The following TOGARAM1 variants were observed in gnomAD, a reference collection of about 807,000 sequenced individuals.
TOGARAM1 encodes TOG array regulator of axonemal microtubules protein 1.
In TOGARAM1, 100 loss-of-function variants were observed where a neutral mutation model predicts 166.6. The ratio of observed to expected loss-of-function variants is 0.60; its 90% CI spans 0.51 to 0.71. The LOEUF (loss-of-function observed/expected upper bound fraction) is 0.71. Ranked by LOEUF, TOGARAM1 falls within the 30% of genes least tolerant of loss-of-function variation. TOGARAM1 has a pLI of 0.00. For missense variants in TOGARAM1, 2,029 were observed against 2,102.7 expected, an observed-to-expected ratio of 0.96 and a Z score of 0.69; for synonymous variants, 758 against 763.8, an observed-to-expected ratio of 0.99 and a Z score of 0.13.
chr14:45,012,022 T>A lies in TOGARAM1; in HGVS notation c.3185T>A (p.Leu1062His), dbSNP rs1310554619. The A allele has an allele frequency of 6.2e-7, 1 of 1,611,790 alleles. No individual in the cohort carries two copies. Residue 1062 changes from leucine (L) to histidine (H), a missense_variant, in exon 7 of 20, where the codon CTT becomes CAT. Leu to His is a moderately conservative substitution (Grantham distance 99, BLOSUM62 -3). Around this residue, in one of 2 missense-constraint regions of TOGARAM1, gnomAD observed 1,453 missense variants for 1,432.2 expected, o/e 1.01. Coordinates refer to ENST00000361462, the MANE Select transcript of TOGARAM1 (RefSeq NM_001308120.2). ...TFGSKPCPTRLSSAKKKISHI... is the reference protein window; with the variant it reads ...TFGSKPCPTRHSSAKKKISHI... ...GGGTCAAAACCTTGTCCAACAAGAC[T>A]TTCTTCTGCAAAGAAAAAAATTTCT...
intron 1 of TOGARAM1, among the ~76,000 whole-genome samples, chr14:44,993,265 C>T (rs1887241754): frequency 6.6e-6 from 1 of 151,240 alleles, no homozygotes; most frequent in Non-Finnish European, 1.5e-5. Context: ...CCAGCCTGAG[C>T]AACAGAGTGA....
chr14:45,004,972 G>A (rs1181103616), intron 4 of TOGARAM1, among the ~76,000 whole-genome samples: 1 of 151,804 alleles, frequency 6.6e-6, no homozygotes. Flanking sequence ...GCCCAGACTG[G>A]AGTGCAATGG....
At chr14:45,061,890 AG>A (rs750990398) in intron 16 of TOGARAM1, among the ~76,000 whole-genome samples, 14 of 152,092 alleles carry the variant, frequency 9.2e-5, no homozygotes, top group Non-Finnish European at 2.1e-4. Context: ...TCTTTAATAC[AG>A]GTGCTATTTA....
intron 1 of TOGARAM1, among the ~76,000 whole-genome samples, chr14:44,984,660 A>C (rs952150493): frequency 6.6e-6 from 1 of 151,794 alleles, no homozygotes; most frequent in African/African-American, 2.4e-5. Context: ...CTGTAGTCCC[A>C]GCTGCTTGGG....
intron 16 of TOGARAM1, among the ~76,000 whole-genome samples, chr14:45,064,304 T>G (rs1475639674): frequency 6.6e-6 from 1 of 152,138 alleles, no homozygotes; most frequent in African/African-American, 2.4e-5. Flanking sequence ...TTTTATTAAT[T>G]TTTAATAAAA....
chr14:44,989,910 A>G (rs1248129548), intron 1 of TOGARAM1, among the ~76,000 whole-genome samples: 1 of 152,216 alleles, frequency 6.6e-6, no homozygotes, highest in Admixed American at 6.5e-5. Flanking sequence ...TGGAAGGAGA[A>G]GAGGCACATC....
At position 44,962,387 on chromosome 14, in the gene TOGARAM1, G is replaced by C. The variant is rs747430781; in HGVS notation, c.-35G>C. ...CATCGAGCCCTTTGGAGACGGCAAT[G>C]GTTTCTTCCAACCACCACCACCTGA... On this transcript the variant is annotated 5_prime_UTR_variant, in exon 1 of 20. The change abolishes an upstream ATG in the 5' untranslated region. Coordinates refer to ENST00000361462, the MANE Select transcript of TOGARAM1 (RefSeq NM_001308120.2). The C allele has an allele frequency of 6.6e-7, 1 of 1,512,456 alleles. No individual in the cohort carries two copies. The highest frequency in any genetic ancestry group is 8.8e-7 in the Non-Finnish European group (1 of 1,136,804). 93.7% of individuals were successfully genotyped at this position (1,512,456 alleles called of 1,614,324 possible).
rs1418988562 is a variant in TOGARAM1, at chr14:44,962,812, C to T, written c.391C>T (p.Arg131Ter). ...GCGGGGCGGTCGACTTGGCTTCCCC[C>T]GACGCAAGGAAGCTTTGTATCGGGC... ...PRRGGRLGFP[R>*]RKEALYRALG... The change falls in exon 1 of 20, where the codon CGA (arginine) becomes TGA (stop). Residue 131 changes from arginine (R) to a stop codon, truncating the protein, a stop_gained. Coordinates refer to ENST00000361462, the MANE Select transcript of TOGARAM1 (RefSeq NM_001308120.2). LOFTEE classifies it high-confidence loss of function. 6.2e-7 allele frequency: 1 copy of T among 1,612,676 alleles called. No homozygotes were observed. Among genetic ancestry groups the T allele is most frequent in the South Asian group, 1.1e-5 (1 of 91,084 alleles).
Position 44,962,955 on chromosome 14 carries a change from A to G in TOGARAM1, c.534A>G (p.Leu178=), listed in dbSNP as rs755857912. Reference sequence around the variant, plus strand: ...GCCAGCTTGAAGAGGCCTTTAGCTTAGCACTTTTGCCTCAACTAGTTGTCT... The same window carrying G: ...GCCAGCTTGAAGAGGCCTTTAGCTTGGCACTTTTGCCTCAACTAGTTGTCT... The part of the protein sequence containing the change: ...EAGQLEEAFS[L]ALLPQLVVSL... Residue 178 remains leucine (L), a synonymous_variant, in exon 1 of 20, where the codon TTA becomes TTG. Coordinates refer to ENST00000361462, the MANE Select transcript of TOGARAM1 (RefSeq NM_001308120.2). The G allele has an allele frequency of 6.2e-7, 1 of 1,614,204 alleles. No individual in the cohort carries two copies. Among genetic ancestry groups the G allele is most frequent in the East Asian group, 2.2e-5 (1 of 44,872 alleles).
chr14:44,989,419 T>G (rs1348216592), intron 1 of TOGARAM1, among the ~76,000 whole-genome samples: 1 of 152,224 alleles, frequency 6.6e-6, no homozygotes, highest in Non-Finnish European at 1.5e-5. Context: ...TTATAAATTT[T>G]GTTTCCTTTC....
At chr14:45,021,962 G>A (rs1291870869) in intron 7 of TOGARAM1, among the ~76,000 whole-genome samples, 1 of 152,050 alleles carries the variant, frequency 6.6e-6, no homozygotes, top group African/African-American at 2.4e-5. Context: ...CTGCTTTTTG[G>A]GGAGAGTTTC....
At chr14:44,992,247 T>C (rs551591527) in intron 1 of TOGARAM1, among the ~76,000 whole-genome samples, 61 of 152,048 alleles carry the variant, frequency 4.0e-4, no homozygotes, top group Admixed American at 2.3e-3. Flanking sequence ...AAAGTGTACA[T>C]AGGAAAATAA....
chr14:44,966,262 A>G lies in TOGARAM1; in HGVS notation c.2046+1795A>G, dbSNP rs191516998. 5.4e-4 allele frequency among the ~76,000 whole-genome samples: 81 copies of G among 151,372 alleles called. 2 individuals carry two copies. The East Asian group carries it at 0.015, about 27-fold the overall frequency. On this transcript the variant is annotated intron_variant, in intron 1 of 19. Coordinates refer to ENST00000361462, the MANE Select transcript of TOGARAM1 (RefSeq NM_001308120.2). The stretch of plus-strand genomic sequence containing the variant: ...TGAGGCAGGCAGATAACCTGAGGTC[A>G]GGAGTTGGAGACCAGCCTGGCCAAC...
intron 17 of TOGARAM1, 38 bp downstream of exon 17, chr14:45,066,805 G>A: frequency 6.4e-7 from 1 of 1,554,594 alleles, no homozygotes. Context: ...TGTGGGTATG[G>A]TGGCTCACGC....
At chr14:45,006,611 A>G (rs908059211) in intron 5 of TOGARAM1, 1 of 158,880 alleles carries the variant, frequency 6.3e-6, no homozygotes, top group Non-Finnish European at 1.4e-5. Context: ...TGTTTCCTAT[A>G]TTTAAATAAA....
intron 1 of TOGARAM1, among the ~76,000 whole-genome samples, chr14:44,987,220 T>A (rs1886868787): frequency 6.6e-6 from 1 of 151,722 alleles, no homozygotes; most frequent in Non-Finnish European, 1.5e-5. Flanking sequence ...ATTACAAGTG[T>A]GAGCCACTGT....
intron 2 of TOGARAM1, among the ~76,000 whole-genome samples, chr14:44,998,468 A>G (rs1887538755): frequency 1.3e-5 from 2 of 152,220 alleles, no homozygotes; most frequent in South Asian, 4.1e-4. Flanking sequence ...TAATCCCAGC[A>G]CTTTGGGAGG....
intron 11 of TOGARAM1, among the ~76,000 whole-genome samples, chr14:45,039,475 C>G (rs1277014829): frequency 6.6e-6 from 1 of 152,114 alleles, no homozygotes. Context: ...TCCATAGTGC[C>G]CAGGCTGTTT....
intron 1 of TOGARAM1, chr14:44,978,414 G>A (rs954828416): frequency 6.6e-6 from 1 of 152,136 alleles, no homozygotes; most frequent in Non-Finnish European, 1.5e-5. Context: ...GTGCCTAAAT[G>A]TTTCTAATTT....
Sources: gnomAD v4.1 joint callset for allele counts (sites outside exome capture counted in the v4.1 genomes callset) on GRCh38, gnomAD v4.1.1 for gene constraint, gnomAD v4.1.1 regional missense constraint, MANE v1.5 for transcripts, NCBI Gene and HGNC (gene_info 2026-07-23, HGNC 2026-07-21) for gene names.